PTCD1: variants seen among roughly 807,000 people sequenced by gnomAD.
The protein encoded by PTCD1 is pentatricopeptide repeat domain 1, also known as pentatricopeptide repeat-containing protein 1, mitochondrial.
A neutral mutation model predicts 53.4 loss-of-function variants in PTCD1; 50 were observed. The observed-to-expected ratio is 0.94, with a 90% CI of 0.75 to 1.19. The LOEUF (loss-of-function observed/expected upper bound fraction) is 1.19. Among genes scored for constraint, PTCD1 ranks in the 50% most tolerant of loss-of-function variants. PTCD1 has a pLI of 0.00. For missense variants in PTCD1, 918 were observed against 904.8 expected (o/e 1.01, Z -0.19); for synonymous variants, 413 against 394.8 (o/e 1.05, Z -0.55).
chr7:99,438,671 G>A (rs1444617608), intron 1 of PTCD1, 21 bp downstream of exon 1: 16 of 1,249,966 alleles, frequency 1.3e-5, no homozygotes, highest in African/African-American at 6.4e-5. Context: ...GGGCTCCTGC[G>A]AGGATCACAC....
chr7:99,422,017 G>C (rs1283749923), intron 7 of PTCD1, among the ~76,000 whole-genome samples: 12 of 152,088 alleles, frequency 7.9e-5, no homozygotes, highest in African/African-American at 2.7e-4. Flanking sequence ...TGAACCCCTA[G>C]TGAGCCCTAC....
intron 3 of PTCD1, 114 bp downstream of exon 3, chr7:99,433,164 G>A (rs1392052554): frequency 5.2e-6 from 8 of 1,528,170 alleles, no homozygotes; most frequent in Non-Finnish European, 9.1e-7. Flanking sequence ...AGATGACTCT[G>A]AGGCCAGGGA....
rs1194763752 is a variant in PTCD1 at position 99,427,111 on chromosome 7, G to A, written c.916-1495C>T. ...GGGGTCAGCCCCCGCCAGGCCAGCC[G>A]CCCCGTCCGGGAGGGAGGTGGGGGT... On this transcript the variant is annotated intron_variant, in intron 5 of 7. Transcript: ENST00000292478. Among the ~76,000 whole-genome samples, 5 of 150,334 alleles carry A rather than the reference G, an allele frequency of 3.3e-5. No homozygotes were observed. The East Asian group carries it at 8.0e-4, about 24-fold the overall frequency.
Position 99,419,847 on chromosome 7 carries a change from C to G in PTCD1, c.*120G>C. On this transcript the variant is annotated 3_prime_UTR_variant, in exon 8 of 8. Coordinates refer to ENST00000292478, the MANE Select transcript of PTCD1 (RefSeq NM_015545.4). ...TGTGTCCTCACCAACACCTGTGACA[C>G]GCTGCGGCTGTTCCTCAGGGCCTGG... 6.5e-7 allele frequency: 1 copy of G among 1,540,070 alleles called. No homozygotes were observed. Among genetic ancestry groups the G allele is most frequent in the Non-Finnish European group, 8.8e-7 (1 of 1,132,800 alleles).
In PTCD1 at chr7:99,419,301, A is replaced by G; in HGVS notation, c.*666T>C. ...GTGTGTCCCTATATGGCATGGTGGC[A>G]GGTCCTTCGTGGGAGGGTTGCCACA... On this transcript the variant is annotated 3_prime_UTR_variant, in exon 8 of 8. Coordinates refer to ENST00000292478, the MANE Select transcript of PTCD1 (RefSeq NM_015545.4). 2 of 1,472,980 alleles carry G rather than the reference A, an allele frequency of 1.4e-6. No individual in the cohort carries two copies. The highest frequency in any genetic ancestry group is 1.4e-5 in the African/African-American group (1 of 72,246). The allele number at this position is 1,472,980 out of a possible 1,614,324, so 91.2% of individuals were successfully genotyped here. A position where few individuals can be genotyped will look rare whatever the true frequency, so the allele number is the denominator to read the frequency against.
rs1167903138 is a variant in PTCD1, at chr7:99,438,724, G to T, written c.-59C>A. On this transcript the variant is annotated 5_prime_UTR_variant, in exon 1 of 8. Transcript: ENST00000292478. ...GTCCGGCGCAGTGCACTCCGACGGG[G>T]AGCCCTGCCCGGTCCCCGCGGCGAA... is the stretch of plus-strand genomic sequence containing the variant. The T allele has an allele frequency of 3.1e-6, 4 of 1,302,122 alleles. No homozygotes were observed. The Middle Eastern group carries it at 6.3e-4, about 204-fold the overall frequency. 80.7% of individuals were successfully genotyped at this position (1,302,122 alleles called of 1,614,324 possible).
At chr7:99,435,298 C>A in intron 1 of PTCD1, 30 bp from the exon 2 acceptor site, 1 of 1,598,560 alleles carries the variant, frequency 6.3e-7, no homozygotes, top group South Asian at 1.1e-5. Flanking sequence ...ATAAGAGAGT[C>A]AACTCAGTTC....
chr7:99,421,444 A>G lies in PTCD1; in HGVS notation c.1921-1295T>C, dbSNP rs56395258. Reference sequence around the variant, plus strand: ...CCCGTCTCTTTAAAAAAAAAAAAAAAAAAGAAAAAAGAAAATGCGGCACGG... The same window carrying G: ...CCCGTCTCTTTAAAAAAAAAAAAAAGAAAGAAAAAAGAAAATGCGGCACGG... On this transcript the variant is annotated intron_variant, in intron 7 of 7. Transcript: ENST00000292478. Among the ~76,000 whole-genome samples the G allele has an allele frequency of 6.3e-3, 960 of 151,290 alleles. 10 individuals carry two copies. The highest frequency in any genetic ancestry group is 0.029 in the East Asian group (148 of 5,134).
rs1161616282 is a variant in PTCD1, at chr7:99,425,114, C to A, written c.1418G>T (p.Gly473Val). 2 of 1,613,882 alleles carry A rather than the reference C, an allele frequency of 1.2e-6. No individual in the cohort carries two copies. Among genetic ancestry groups the A allele is most frequent in the Middle Eastern group, 1.6e-4 (1 of 6,080 alleles). ...GTGCTCTGCCATCTTGCTCAGGAAGCCCTCCAGGCCCCCTATCAAGGCCAG... is the reference window on the plus strand; with the variant it reads ...GTGCTCTGCCATCTTGCTCAGGAAGACCTCCAGGCCCCCTATCAAGGCCAG... ...DRLALIGGLEGFLSKMAEHRQ... is the reference protein window; with the variant it reads ...DRLALIGGLEVFLSKMAEHRQ... The change falls in exon 6 of 8, where the codon GGC (glycine) becomes GTC (valine). Residue 473 changes from glycine (G) to valine (V), a missense_variant. Physicochemically the swap from Gly to Val is moderately radical, Grantham distance 109 (BLOSUM62 -3). Transcript: ENST00000292478.
chr7:99,436,036 C>G (rs982762254), intron 1 of PTCD1, among the ~76,000 whole-genome samples: 1 of 152,116 alleles, frequency 6.6e-6, no homozygotes, highest in Non-Finnish European at 1.5e-5. Context: ...GCCCCACCCT[C>G]CTGTGCTCAA....
At chr7:99,426,530 C>CG (rs1428685445) in intron 5 of PTCD1, among the ~76,000 whole-genome samples, 2 of 152,186 alleles carry the variant, frequency 1.3e-5, no homozygotes, top group Non-Finnish European at 2.9e-5. Context: ...GGCGTGATCT[C>CG]GGCTCGCTAC....
At chr7:99,423,752 G>C (rs1795915652) in intron 7 of PTCD1, 23 bp downstream of exon 7, 1 of 1,613,324 alleles carries the variant, frequency 6.2e-7, no homozygotes, top group Non-Finnish European at 8.5e-7. Context: ...GAGCTGATGA[G>C]CTTTTGAGCT....
intron 1 of PTCD1, among the ~76,000 whole-genome samples, chr7:99,437,081 G>A (rs1005191050): frequency 6.6e-6 from 1 of 152,154 alleles, no homozygotes; most frequent in Admixed American, 6.6e-5. Flanking sequence ...TGCCAGGCTG[G>A]TCTAGAACTC....
chr7:99,426,147 TC>T (rs1796008759), intron 5 of PTCD1, among the ~76,000 whole-genome samples: 3 of 98,804 alleles, frequency 3.0e-5, no homozygotes, highest in African/African-American at 1.3e-4. Flanking sequence ...ATGGTCTCCC[TC>T]TCCCTCTCCC....
intron 1 of PTCD1, among the ~76,000 whole-genome samples, chr7:99,437,365 C>T (rs964401005): frequency 3.3e-5 from 5 of 151,366 alleles, no homozygotes; most frequent in African/African-American, 7.3e-5. Context: ...TGTCCTCAGG[C>T]GTGACCTCGG....
intron 4 of PTCD1, 76 bp from the exon 5 acceptor site, chr7:99,429,280 G>GCA: frequency 6.4e-7 from 1 of 1,567,234 alleles, no homozygotes; most frequent in South Asian, 1.1e-5. Context: ...TGTAATCCTG[G>GCA]CACATTGGGA....
Position 99,426,286 on chromosome 7 carries a change from C to T in PTCD1, c.916-670G>A, listed in dbSNP as rs539926797. On this transcript the variant is annotated intron_variant, in intron 5 of 7. Coordinates refer to ENST00000292478, the MANE Select transcript of PTCD1 (RefSeq NM_015545.4). ...TGCCATCTCGGCTCACTGCAACCTC[C>T]CTGCCTGATTCTCCTGCCTCAGCCT... 1.4e-4 allele frequency among the ~76,000 whole-genome samples: 21 copies of T among 152,266 alleles called. 1 individual carries two copies. The South Asian group carries it at 1.5e-3, about 11-fold the overall frequency.
rs1417191648 is a variant in PTCD1, at chr7:99,419,987, A to G, written c.2083T>C (p.Cys695Arg). The change falls in exon 8 of 8, where the codon TGT becomes CGT. Residue 695 changes from cysteine (C) to arginine (R), a missense_variant. Cys to Arg is a radical substitution (Grantham distance 180). Transcript: ENST00000292478. ...TCCCATCACCTGCCCCCAAGGGCAC[A>G]TCCGTCATCAGCCTCCTTGCCGGTG... ...QDTGKEADDG[C>R]ALGGR 1.2e-6 allele frequency: 2 copies of G among 1,614,218 alleles called. No individual in the cohort carries two copies. The highest frequency in any genetic ancestry group is 2.2e-5 in the South Asian group (2 of 91,090).
Position 99,429,606 on chromosome 7 carries a change from C to T in PTCD1, c.795G>A (p.Met265Ile). Residue 265 changes from methionine (M) to isoleucine (I), a missense_variant, in exon 4 of 8, where the codon ATG (methionine) becomes ATA (isoleucine). Coordinates refer to ENST00000292478, the MANE Select transcript of PTCD1 (RefSeq NM_015545.4). Reference protein sequence around the residue: ...KMAAKCADLRMCLDVFKEIIH... With the variant: ...KMAAKCADLRICLDVFKEIIH... ...GCCCCACCTTGAACACATCGAGGCA[C>T]ATCCTAAGGTCTGCGCACTTGGCAG... The T allele has an allele frequency of 1.9e-6, 3 of 1,614,246 alleles. No individual in the cohort carries two copies. Among genetic ancestry groups the T allele is most frequent in the East Asian group, 2.2e-5 (1 of 44,888 alleles).
Sources: allele counts gnomAD v4.1 joint callset (sites outside exome capture counted in the v4.1 genomes callset), GRCh38; gene constraint gnomAD v4.1.1; transcripts MANE v1.5; gene names NCBI Gene and HGNC (gene_info 2026-07-23, HGNC 2026-07-21).